Variants in GRIP2 observed in about 807,000 individuals in gnomAD.
GRIP2 encodes glutamate receptor interacting protein 2, also known as glutamate receptor-interacting protein 2.
A neutral mutation model predicts 108.3 loss-of-function variants in GRIP2; 58 were observed. The ratio of observed to expected loss-of-function variants is 0.54; its 90% CI spans 0.43 to 0.67. GRIP2 has a LOEUF of 0.67. Among genes scored for constraint, GRIP2 ranks in the 30% least tolerant of loss-of-function variants. The probability of loss-of-function intolerance (pLI) is 0.00; values close to 1 mark genes in which losing one functional copy is unlikely to be tolerated. For missense variants in GRIP2, 1,278 were observed against 1,430.6 expected (o/e 0.89, Z 1.72); for synonymous variants, 586 against 598.2 (o/e 0.98, Z 0.30).
At chr3:14,497,914 C>T (rs904593545) in intron 21 of GRIP2, among the ~76,000 whole-genome samples, 1 of 152,142 alleles carries the variant, frequency 6.6e-6, no homozygotes, top group Non-Finnish European at 1.5e-5. Flanking sequence ...CTGAGGGAAA[C>T]AGCTTCACAC....
intron 22 of GRIP2, among the ~76,000 whole-genome samples, chr3:14,496,084 G>A (rs932876392): frequency 3.3e-5 from 5 of 152,160 alleles, no homozygotes; most frequent in African/African-American, 9.7e-5. Context: ...GGTCAGGGCC[G>A]CAGTGAGCCA....
chr3:14,510,948 C>T (rs1322438634), intron 16 of GRIP2, among the ~76,000 whole-genome samples: 1 of 152,228 alleles, frequency 6.6e-6, no homozygotes, highest in African/African-American at 2.4e-5. Flanking sequence ...GTCTCAAACT[C>T]CTGTCCACCT....
At chr3:14,572,611 C>CAAAA in the GRIP2 span, among the ~76,000 whole-genome samples, 27,582 of 46,956 alleles carry the variant, frequency 0.59, 9,616 homozygotes, top group East Asian at 0.76. Context: ...GACTCCGTCT[C>CAAAA]AAAAAAAAAA....
chr3:14,534,416 G>A (rs2124948700), intron 1 of GRIP2, among the ~76,000 whole-genome samples: 1 of 152,160 alleles, frequency 6.6e-6, no homozygotes, highest in South Asian at 2.1e-4. Context: ...TCTCTTTTTT[G>A]TTCCAGGACC....
the GRIP2 span, chr3:14,572,868 A>G: frequency 8.3e-7 from 1 of 1,197,636 alleles, no homozygotes; most frequent in Non-Finnish European, 1.2e-6. Flanking sequence ...CTGAGCATCC[A>G]GTTCGTACTT....
chr3:14,514,551 C>T (rs1255757637), intron 11 of GRIP2, 73 bp from the exon 12 acceptor site: 6 of 1,438,802 alleles, frequency 4.2e-6, no homozygotes, highest in Admixed American at 4.9e-5. Context: ...CTGCCCATCC[C>T]GGGGCCCTAG....
chr3:14,512,980 C>T lies in GRIP2; in HGVS notation c.1640-123G>A, dbSNP rs780840543. ...CGAAAGTCACAGTTCTAATCTCATC[C>T]CCCTGCTTCCTCTCAACAGAGGAGG... On this transcript the variant is annotated intron_variant, in intron 13 of 23. Transcript: ENST00000621039. The surrounding 1 kb of genome is among the most constrained non-coding windows in gnomAD (Gnocchi z 5.1). 1.3e-6 allele frequency: 1 copy of T among 779,714 alleles called. No homozygotes were observed. Among genetic ancestry groups the T allele is most frequent in the Non-Finnish European group, 2.2e-6 (1 of 457,962 alleles). The allele number at this position is 779,714 out of a possible 1,614,324, so 48.3% of individuals were successfully genotyped here.
the GRIP2 span, among the ~76,000 whole-genome samples, chr3:14,563,505 C>G: frequency 5.9e-5 from 9 of 152,018 alleles, no homozygotes; most frequent in African/African-American, 2.2e-4. Flanking sequence ...GGAGGAGCAG[C>G]GTGGGCCTGG....
At chr3:14,564,947 C>T in the GRIP2 span, among the ~76,000 whole-genome samples, 6 of 152,360 alleles carry the variant, frequency 3.9e-5, no homozygotes, top group East Asian at 5.8e-4. Context: ...TGCTCAGCTC[C>T]GTGCGAGCAT....
upstream of GRIP2, among the ~76,000 whole-genome samples, chr3:14,543,022 C>T (rs759547837): frequency 1.3e-5 from 2 of 152,086 alleles, no homozygotes; most frequent in Non-Finnish European, 1.5e-5. Flanking sequence ...GTCTGGGAGT[C>T]CACTGAGAAG....
In GRIP2 at chr3:14,512,036, G is replaced by A. The variant is rs1694111580; in HGVS notation, c.1721-557C>T. On this transcript the variant is annotated intron_variant, in intron 14 of 23. Coordinates refer to ENST00000621039, the MANE Select transcript of GRIP2 (RefSeq NM_001080423.4). This position sits in a 1 kb window ranked among gnomAD's most constrained non-coding sequence, Gnocchi z 5.1. ...ACCTGAGAAACGGGCTTGTGTCGAGGGCGGTAAATGTTCAGTCAGGTGGTC... is the reference window on the plus strand; with the variant it reads ...ACCTGAGAAACGGGCTTGTGTCGAGAGCGGTAAATGTTCAGTCAGGTGGTC... Among the ~76,000 whole-genome samples the A allele has an allele frequency of 6.6e-6, 1 of 152,246 alleles. No homozygotes were observed. The highest frequency in any genetic ancestry group is 2.4e-5 in the African/African-American group (1 of 41,464).
rs541840094 is a variant in GRIP2, at chr3:14,554,969, A to G, written c.55+931T>C. Among the ~76,000 whole-genome samples, 8 of 152,274 alleles carry G rather than the reference A, an allele frequency of 5.3e-5. No homozygotes were observed. In the South Asian group the frequency reaches 1.5e-3, roughly 28 times the overall value. ...TGATTCTTGCTCCTCAGCCTGAAGC[A>G]TAGAGATCGTGAATCCACCACCTCC... On this transcript the variant is annotated intron_variant, in intron 1 of 23. Coordinates refer to the GRIP2 transcript ENST00000637182.
At chr3:14,550,403 T>C (rs1220225298) in intron 1 of GRIP2, among the ~76,000 whole-genome samples, 1 of 150,730 alleles carries the variant, frequency 6.6e-6, no homozygotes, top group Non-Finnish European at 1.5e-5. Flanking sequence ...TCCCACTGTG[T>C]CAACTCACTG....
intron 12 of GRIP2, among the ~76,000 whole-genome samples, chr3:14,514,024 G>A (rs1302759283): frequency 6.6e-6 from 1 of 152,246 alleles, no homozygotes; most frequent in Non-Finnish European, 1.5e-5. Context: ...TGGGGATGAT[G>A]GCATGGGCCT....
At chr3:14,559,808 C>G (rs1056118284), upstream of GRIP2, among the ~76,000 whole-genome samples, 1 of 152,222 alleles carries the variant, frequency 6.6e-6, no homozygotes, top group Non-Finnish European at 1.5e-5. Flanking sequence ...CTCCCTGAGC[C>G]TCAGTTTCCC....
At chr3:14,575,453 T>C in the GRIP2 span, among the ~76,000 whole-genome samples, 1 of 152,174 alleles carries the variant, frequency 6.6e-6, no homozygotes, top group Non-Finnish European at 1.5e-5. Flanking sequence ...CACCCATTGC[T>C]GGTTTTGAGT....
chr3:14,570,287 A>G, the GRIP2 span, among the ~76,000 whole-genome samples: 4 of 152,236 alleles, frequency 2.6e-5, no homozygotes, highest in African/African-American at 9.6e-5. Flanking sequence ...GCCTGACCCC[A>G]GATCAGCATC....
chr3:14,545,406 C>G (rs1476790535), upstream of GRIP2, among the ~76,000 whole-genome samples: 2 of 152,232 alleles, frequency 1.3e-5, no homozygotes, highest in Non-Finnish European at 2.9e-5. Flanking sequence ...CTCCACAGCC[C>G]AGGCATGTGA....
chr3:14,581,115 G>A, the GRIP2 span, among the ~76,000 whole-genome samples: 2 of 152,200 alleles, frequency 1.3e-5, no homozygotes, highest in African/African-American at 4.8e-5. Flanking sequence ...TGGATGGGCG[G>A]ATGGGTGGAT....
Sources: allele counts gnomAD v4.1 joint callset (sites outside exome capture counted in the v4.1 genomes callset), GRCh38; gene constraint gnomAD v4.1.1; non-coding constraint Gnocchi (gnomAD v3.1); transcripts MANE v1.5; gene names NCBI Gene and HGNC (gene_info 2026-07-23, HGNC 2026-07-21).